Variants in SSH2 observed in about 807,000 individuals in gnomAD.
SSH2 encodes slingshot protein phosphatase 2.
SSH2 carries 37 observed loss-of-function variants against 135.2 expected under a neutral mutation model. The observed-to-expected ratio is 0.27, with a 90% CI of 0.21 to 0.36. The LOEUF (loss-of-function observed/expected upper bound fraction) is 0.36. Among genes scored for constraint, SSH2 ranks in the 10% least tolerant of loss-of-function variants. The pLI, the probability that SSH2 is intolerant of heterozygous loss-of-function variation, is 1.00. For synonymous variants in SSH2, 628 were observed against 646.2 expected (o/e 0.97, Z 0.43); for missense variants, 1,408 against 1,765.3 (o/e 0.80, Z 3.63).
intron 3 of SSH2, among the ~76,000 whole-genome samples, chr17:29,791,889 A>G (rs2042071519): frequency 6.6e-6 from 1 of 151,672 alleles, no homozygotes; most frequent in African/African-American, 2.4e-5. Flanking sequence ...AAACTTAAAA[A>G]CAGGTCTTTA....
Position 29,636,346 on chromosome 17 carries a change from T to G in SSH2, c.1884A>C (p.Ala628=). 6.2e-7 allele frequency: 1 copy of G among 1,614,188 alleles called. No individual in the cohort carries two copies. The highest frequency in any genetic ancestry group is 1.1e-5 in the South Asian group (1 of 91,084). The change falls in exon 15 of 16, where the codon GCA becomes GCC. Residue 628 remains alanine, a synonymous_variant. Transcript: ENST00000540801. The part of the protein sequence containing the change: ...DLTVEDLETD[A]LKADMNVHLL... ...GGTGGACATTCATGTCTGCTTTCAG[T>G]GCATCTGTCTCCAAATCTTCCACTG...
intron 14 of SSH2, among the ~76,000 whole-genome samples, chr17:29,640,179 C>T (rs1440189540): frequency 4.6e-5 from 7 of 151,724 alleles, no homozygotes; most frequent in Admixed American, 3.3e-4. Flanking sequence ...CCCGGGTTCA[C>T]GCCATTCTCC....
At chr17:29,682,669 A>C (rs956603161) in intron 6 of SSH2, among the ~76,000 whole-genome samples, 32 of 152,056 alleles carry the variant, frequency 2.1e-4, no homozygotes, top group African/African-American at 6.8e-4. Context: ...AGAAGGAAGG[A>C]AGGCAGGCAG....
chr17:29,743,907 CTTTTT>C (rs59540894), intron 3 of SSH2, among the ~76,000 whole-genome samples: 9 of 99,860 alleles, frequency 9.0e-5, no homozygotes, highest in African/African-American at 2.7e-4. Flanking sequence ...TTCTTTTTTC[CTTTTT>C]TTTTTTTTTT....
chr17:29,763,565 A>G (rs1008793866), intron 3 of SSH2, among the ~76,000 whole-genome samples: 2 of 151,932 alleles, frequency 1.3e-5, no homozygotes, highest in African/African-American at 2.4e-5. Context: ...TTCATGACAC[A>G]GCAGAGAGAG....
intron 1 of SSH2, among the ~76,000 whole-genome samples, chr17:29,849,856 GTATA>G (rs59297985): frequency 0.085 from 10,005 of 117,882 alleles, 546 homozygotes; most frequent in Middle Eastern, 0.11. Context: ...AAAAAAAAAA[GTATA>G]TATATATATA....
At position 29,913,347 on chromosome 17, in the gene SSH2, A is replaced by AAAATTATAT; in HGVS notation, c.63+16590_63+16591insATATAATTT. Among the ~76,000 whole-genome samples the AAAATTATAT allele has an allele frequency of 2.6e-3, 75 of 28,786 alleles. 20 individuals carry two copies. In the East Asian group the frequency reaches 0.076, roughly 29 times the overall value. 18.9% of individuals were successfully genotyped at this position (28,786 alleles called of 152,430 possible). A position where few individuals can be genotyped will look rare whatever the true frequency, so the allele number is the denominator to read the frequency against. On this transcript the variant is annotated intron_variant, in intron 1 of 15. Coordinates refer to ENST00000540801, the MANE Select transcript of SSH2 (RefSeq NM_001282129.2). Reference sequence around the variant, plus strand: ...AAAAAAAAAAAAAAAAAAAAAAAAAAATATATATATATATATATATATATA... The same window carrying AAAATTATAT: ...AAAAAAAAAAAAAAAAAAAAAAAAAAAAATTATATATATATATATATATATATATATATA...
chr17:29,804,528 T>C (rs1288366216), intron 2 of SSH2, among the ~76,000 whole-genome samples: 1 of 152,234 alleles, frequency 6.6e-6, no homozygotes, highest in Admixed American at 6.5e-5. Context: ...ATGTCTTTTG[T>C]CTTCAATCCT....
intron 11 of SSH2, among the ~76,000 whole-genome samples, chr17:29,658,075 C>T (rs897303306): frequency 6.6e-6 from 1 of 150,658 alleles, no homozygotes. Context: ...ACAATCTCGG[C>T]TCACCGCAAC....
Position 29,635,284 on chromosome 17 carries a change from T to C in SSH2, c.2262+684A>G, listed in dbSNP as rs569176097. On this transcript the variant is annotated intron_variant, in intron 15 of 15. Coordinates refer to ENST00000540801, the MANE Select transcript of SSH2 (RefSeq NM_001282129.2). ...TTCACACATGTCTAGTCTTTGACTTTTCTGAGACAATAAGAATTTCCCAAA... is the reference window on the plus strand; with the variant it reads ...TTCACACATGTCTAGTCTTTGACTTCTCTGAGACAATAAGAATTTCCCAAA... 2.6e-5 allele frequency among the ~76,000 whole-genome samples: 4 copies of C among 152,348 alleles called. No individual in the cohort carries two copies. The East Asian group carries it at 5.8e-4, about 22-fold the overall frequency.
intron 9 of SSH2, among the ~76,000 whole-genome samples, chr17:29,669,256 A>C (rs1433262357): frequency 6.6e-6 from 1 of 152,196 alleles, no homozygotes; most frequent in African/African-American, 2.4e-5. Context: ...GTCTCAAAAA[A>C]AAAAGAAAAA....
At chr17:29,824,908 G>C (rs1265932723) in intron 2 of SSH2, among the ~76,000 whole-genome samples, 5 of 151,992 alleles carry the variant, frequency 3.3e-5, no homozygotes. Context: ...TTTCCATTAG[G>C]GTGGCTTAGC....
At chr17:29,738,989 A>G (rs1370287881) in intron 3 of SSH2, among the ~76,000 whole-genome samples, 2 of 152,230 alleles carry the variant, frequency 1.3e-5, no homozygotes, top group African/African-American at 4.8e-5. Context: ...CATATATTTA[A>G]TTAAATAATC....
chr17:29,650,642 A>T lies in SSH2; in HGVS notation c.1226+12T>A. On this transcript the variant is annotated intron_variant, in intron 13 of 15. Transcript: ENST00000540801. ...AACAGAGATCACAACATTGTGCAGG[A>T]CTATTACTCACTTTGCTTTAGAGAT... The T allele has an allele frequency of 2.5e-6, 4 of 1,609,732 alleles. No homozygotes were observed. Among genetic ancestry groups the T allele is most frequent in the Non-Finnish European group, 3.4e-6 (4 of 1,177,752 alleles).
chr17:29,721,982 A>G (rs1285027688), intron 3 of SSH2, among the ~76,000 whole-genome samples: 2 of 152,194 alleles, frequency 1.3e-5, no homozygotes, highest in African/African-American at 4.8e-5. Context: ...TTGAAAGTCA[A>G]TGTAATTTGT....
At chr17:29,895,220 T>C (rs1355984056) in intron 1 of SSH2, among the ~76,000 whole-genome samples, 2 of 142,484 alleles carry the variant, frequency 1.4e-5, no homozygotes, top group East Asian at 2.0e-4. Context: ...ATATATATTT[T>C]ATAAATACAT....
At chr17:29,760,682 G>A (rs899387827) in intron 3 of SSH2, among the ~76,000 whole-genome samples, 7 of 151,542 alleles carry the variant, frequency 4.6e-5, no homozygotes, top group African/African-American at 1.5e-4. Flanking sequence ...CAGCAGGAGC[G>A]AAGAATGGTC....
At chr17:29,702,613 C>T (rs1278501332) in intron 4 of SSH2, among the ~76,000 whole-genome samples, 1 of 152,182 alleles carries the variant, frequency 6.6e-6, no homozygotes, top group African/African-American at 2.4e-5. Context: ...TGGGATCGTG[C>T]CACTGCACTC....
intron 11 of SSH2, among the ~76,000 whole-genome samples, chr17:29,657,154 A>G (rs2036815621): frequency 6.6e-6 from 1 of 151,222 alleles, no homozygotes; most frequent in African/African-American, 2.4e-5. Context: ...TTTAGTAGAG[A>G]CAGGGTTTCA....
Sources: gnomAD v4.1 joint callset for allele counts (sites outside exome capture counted in the v4.1 genomes callset) on GRCh38, gnomAD v4.1.1 for gene constraint, MANE v1.5 for transcripts, NCBI Gene and HGNC (gene_info 2026-07-23, HGNC 2026-07-21) for gene names.